NPR1: variants seen among roughly 807,000 people sequenced by gnomAD.
The protein encoded by NPR1 is atrial natriuretic peptide receptor 1.
In NPR1, 57 loss-of-function variants were observed where a neutral mutation model predicts 116.9. The ratio of observed to expected loss-of-function variants is 0.49; its 90% CI spans 0.39 to 0.61. The LOEUF (loss-of-function observed/expected upper bound fraction) is 0.61, where lower values mean the gene tolerates loss of function less well. Among genes scored for constraint, NPR1 ranks in the 20% least tolerant of loss-of-function variants. The probability of loss-of-function intolerance (pLI) is 0.00; values close to 1 mark genes in which losing one functional copy is unlikely to be tolerated. For synonymous variants in NPR1, 555 were observed against 601.6 expected (o/e 0.92, Z 1.13); for missense variants, 1,096 against 1,409.8 (o/e 0.78, Z 3.56).
In NPR1 at chr1:153,687,752, G is replaced by A. The variant is rs1669971941; in HGVS notation, c.2211G>A (p.Gly737=). Reference sequence around the variant, plus strand: ...TTCAGGAGATTGCCCTGAGGAGTGGGGTCTTCCACGTGGAAGGTTTGGACC... The same window carrying A: ...TTCAGGAGATTGCCCTGAGGAGTGGAGTCTTCCACGTGGAAGGTTTGGACC... The part of the protein sequence containing the change: ...IILQEIALRS[G]VFHVEGLDLS... Residue 737 remains glycine (G), a synonymous_variant, in exon 14 of 22, where the codon GGG becomes GGA. Coordinates refer to ENST00000368680, the MANE Select transcript of NPR1 (RefSeq NM_000906.4). 4 of 1,600,608 alleles carry A rather than the reference G, an allele frequency of 2.5e-6. No homozygotes were observed. The highest frequency in any genetic ancestry group is 3.4e-6 in the Non-Finnish European group (4 of 1,169,448).
chr1:153,686,629 G>A lies in NPR1; in HGVS notation c.1759-17G>A. On this transcript the variant is annotated splice_polypyrimidine_tract_variant and intron_variant, in intron 10 of 21. Coordinates refer to ENST00000368680, the MANE Select transcript of NPR1 (RefSeq NM_000906.4). ...GCGAGGTCTCTGTCAAGCTCCTGAT[G>A]CTGGTCCCACTTGCAGATGCGGGAT... 3 of 1,609,520 alleles carry A rather than the reference G, an allele frequency of 1.9e-6. No individual in the cohort carries two copies. The highest frequency in any genetic ancestry group is 2.5e-6 in the Non-Finnish European group (3 of 1,176,884).
At chr1:153,690,414 G>C in intron 20 of NPR1, 32 bp downstream of exon 20, 5 of 1,503,558 alleles carry the variant, frequency 3.3e-6, no homozygotes, top group Non-Finnish European at 4.5e-6. Context: ...GGAATGGGGA[G>C]GGCAGGGTGG....
At chr1:153,683,020 G>C (rs1394860588) in intron 5 of NPR1, among the ~76,000 whole-genome samples, 2 of 152,218 alleles carry the variant, frequency 1.3e-5, no homozygotes, top group Admixed American at 1.3e-4. Flanking sequence ...GCGAATGTAG[G>C]CTAAGGTGAA....
In NPR1 at chr1:153,681,347, A is replaced by T. The variant is rs186542047; in HGVS notation, c.1035+54A>T. 126 of 988,206 alleles carry T rather than the reference A, an allele frequency of 1.3e-4. No homozygotes were observed. The African/African-American group carries it at 1.6e-3, about 13-fold the overall frequency. The allele number at this position is 988,206 out of a possible 1,614,324, so 61.2% of individuals were successfully genotyped here. ...GTGGACCTCCAGCCCCCACTCCATG[A>T]CCCTCTGCCAGCCTCCATCCTTCCC... On this transcript the variant is annotated intron_variant, in intron 3 of 21. Transcript: ENST00000368680.
chr1:153,689,688 G>A lies in NPR1; in HGVS notation c.2758-118G>A. ...AACAGGCAGAGAACCCATGTGGGATGGGGGATGAGCAAAGACAGATGAGGG... is the reference window on the plus strand; with the variant it reads ...AACAGGCAGAGAACCCATGTGGGATAGGGGATGAGCAAAGACAGATGAGGG... On this transcript the variant is annotated intron_variant, in intron 18 of 21. Coordinates refer to ENST00000368680, the MANE Select transcript of NPR1 (RefSeq NM_000906.4). This position sits in a 1 kb window ranked among gnomAD's most constrained non-coding sequence, Gnocchi z 5.1. The A allele has an allele frequency of 1.6e-6, 2 of 1,265,466 alleles. No homozygotes were observed. Among genetic ancestry groups the A allele is most frequent in the South Asian group, 1.4e-5 (1 of 70,378 alleles). 78.4% of individuals were successfully genotyped at this position (1,265,466 alleles called of 1,614,324 possible).
chr1:153,687,938 C>A, intron 14 of NPR1, 115 bp from the exon 15 acceptor site: 2 of 1,080,482 alleles, frequency 1.9e-6, no homozygotes, highest in Non-Finnish European at 2.7e-6. Flanking sequence ...GTGACCAGTC[C>A]CCCGCCCCCA....
In NPR1 at chr1:153,681,816, G is replaced by A. The variant is rs762413784; in HGVS notation, c.1148G>A (p.Arg383Gln). 7.9e-5 allele frequency: 127 copies of A among 1,613,874 alleles called. No individual in the cohort carries two copies. Among genetic ancestry groups the A allele is most frequent in the Middle Eastern group, 1.6e-4 (1 of 6,084 alleles). ...ACTGATGGGGAGAACATCACTCAGCGGATGTGGAACCGAAGCTTTCAAGGT... is the reference window on the plus strand; with the variant it reads ...ACTGATGGGGAGAACATCACTCAGCAGATGTGGAACCGAAGCTTTCAAGGT... Reference protein sequence around the residue: ...TVTDGENITQRMWNRSFQGVT... With the variant: ...TVTDGENITQQMWNRSFQGVT... Residue 383 changes from arginine to glutamine, a missense_variant, in exon 4 of 22, where the codon CGG (arginine) becomes CAG (glutamine). Arg to Gln is a conservative substitution (Grantham distance 43). Transcript: ENST00000368680.
chr1:153,686,633 G>T lies in NPR1; in HGVS notation c.1759-13G>T. ...GGTCTCTGTCAAGCTCCTGATGCTG[G>T]TCCCACTTGCAGATGCGGGATGTGC... is the stretch of plus-strand genomic sequence containing the variant. On this transcript the variant is annotated splice_polypyrimidine_tract_variant and intron_variant, in intron 10 of 21. Transcript: ENST00000368680. The T allele has an allele frequency of 6.2e-7, 1 of 1,610,420 alleles. No individual in the cohort carries two copies. The highest frequency in any genetic ancestry group is 8.5e-7 in the Non-Finnish European group (1 of 1,177,580).
rs541513368 is a variant in NPR1 at position 153,679,252 on chromosome 1, C to T, written c.144C>T (p.Tyr48=). 33 of 1,528,764 alleles carry T rather than the reference C, an allele frequency of 2.2e-5. No individual in the cohort carries two copies. The highest frequency in any genetic ancestry group is 1.8e-4 in the East Asian group (7 of 39,526). The allele number at this position is 1,528,764 out of a possible 1,614,324, so 94.7% of individuals were successfully genotyped here. Residue 48 remains tyrosine, a synonymous_variant, in exon 1 of 22, where the codon TAC becomes TAT. Coordinates refer to ENST00000368680, the MANE Select transcript of NPR1 (RefSeq NM_000906.4). The surrounding 1 kb of genome is among the most constrained non-coding windows in gnomAD (Gnocchi z 4.2). Reference sequence around the variant, plus strand: ...TACTGCCGCTGGCCAATACCTCGTACCCCTGGTCGTGGGCGCGCGTGGGAC... The same window carrying T: ...TACTGCCGCTGGCCAATACCTCGTATCCCTGGTCGTGGGCGCGCGTGGGAC... ...AVVLPLANTS[Y]PWSWARVGPA...
At position 153,690,334 on chromosome 1, in the gene NPR1, T is replaced by C; in HGVS notation, c.2983T>C (p.Phe995Leu). 6.4e-7 allele frequency: 1 copy of C among 1,561,348 alleles called. No homozygotes were observed. Among genetic ancestry groups the C allele is most frequent in the Non-Finnish European group, 8.7e-7 (1 of 1,151,390 alleles). Residue 995 changes from phenylalanine to leucine, a missense_variant, in exon 20 of 22, where the codon TTT becomes CTT. Physicochemically the swap from Phe to Leu is conservative, Grantham distance 22. Coordinates refer to ENST00000368680, the MANE Select transcript of NPR1 (RefSeq NM_000906.4). ...VGLKMPRYCL[F>L]GDTVNTASRM... is the part of the protein sequence containing the mutation. ...ACTGAAGATGCCCCGTTACTGTCTC[T>C]TTGGGGATACAGTCAACACAGCCTC...
Position 153,689,251 on chromosome 1 carries a change from C to T in NPR1, c.2628C>T (p.Thr876=). The T allele has an allele frequency of 1.9e-6, 3 of 1,614,196 alleles. No homozygotes were observed. Among genetic ancestry groups the T allele is most frequent in the Non-Finnish European group, 2.5e-6 (3 of 1,180,040 alleles). ...AGGCCGAAGCCTTTGACAGTGTTAC[C>T]ATCTACTTCAGTGACATTGTGGGTT... ...TVQAEAFDSV[T]IYFSDIVGFT... Residue 876 remains threonine (T), a synonymous_variant, in exon 17 of 22, where the codon ACC becomes ACT. Coordinates refer to ENST00000368680, the MANE Select transcript of NPR1 (RefSeq NM_000906.4). The surrounding 1 kb of genome is among the most constrained non-coding windows in gnomAD (Gnocchi z 5.1).
At chr1:153,687,426 C>T (rs1669962386) in intron 13 of NPR1, 70 bp downstream of exon 13, 1 of 1,563,142 alleles carries the variant, frequency 6.4e-7, no homozygotes. Context: ...TGCAAGGCCT[C>T]TGATGGGCTT....
intron 20 of NPR1, among the ~76,000 whole-genome samples, chr1:153,692,031 C>T (rs1670122815): frequency 6.6e-6 from 1 of 152,166 alleles, no homozygotes. Flanking sequence ...TTGGGCCCCA[C>T]TCCATCACTG....
rs747583131 is a variant in NPR1 at position 153,688,045 on chromosome 1, C to A, written c.2249-8C>A. The A allele has an allele frequency of 6.3e-6, 10 of 1,586,894 alleles. No individual in the cohort carries two copies. Among genetic ancestry groups the A allele is most frequent in the South Asian group, 2.3e-5 (2 of 88,648 alleles). On this transcript the variant is annotated splice_polypyrimidine_tract_variant and splice_region_variant and intron_variant, in intron 14 of 21. Transcript: ENST00000368680. ...CCACCCCTCAGCTCCTCTACCCCCC[C>A]AATACAGAGATCATCGAGCGGGTGA... is the stretch of plus-strand genomic sequence containing the variant.
chr1:153,683,593 C>G, intron 6 of NPR1, 82 bp downstream of exon 6: 2 of 1,584,966 alleles, frequency 1.3e-6, no homozygotes, highest in South Asian at 2.3e-5. Context: ...GTGCTCCTGT[C>G]CCATGCTGAG....
chr1:153,680,309 C>G (rs1275667342), intron 1 of NPR1, among the ~76,000 whole-genome samples, 192 bp from the exon 2 acceptor site: 4 of 149,496 alleles, frequency 2.7e-5, no homozygotes, highest in Non-Finnish European at 4.5e-5. Context: ...CCCACCGCCC[C>G]GCACCCGCCC....
chr1:153,687,398 A>T, intron 13 of NPR1, 42 bp downstream of exon 13: 6 of 1,603,852 alleles, frequency 3.7e-6, no homozygotes, highest in Non-Finnish European at 5.1e-6. Flanking sequence ...CCCCAGCACC[A>T]CCCAGTAGGG....
intron 19 of NPR1, 106 bp downstream of exon 19, chr1:153,690,086 CTCTCTCTCT>C: frequency 1.6e-6 from 1 of 644,540 alleles, no homozygotes; most frequent in Non-Finnish European, 2.4e-6. Context: ...CTCTCTCTCT[CTCTCTCTCT>C]CTCTCTCTCT....
chr1:153,681,898 G>A (rs1669792411), intron 4 of NPR1, 59 bp downstream of exon 4: 1 of 1,591,036 alleles, frequency 6.3e-7, no homozygotes, highest in African/African-American at 1.3e-5. Flanking sequence ...CAGGTGCCCA[G>A]TGTCAAGCCA....
Sources: gnomAD v4.1 joint callset for allele counts (sites outside exome capture counted in the v4.1 genomes callset) on GRCh38, gnomAD v4.1.1 for gene constraint, Gnocchi (gnomAD v3.1) non-coding constraint, MANE v1.5 for transcripts, NCBI Gene and HGNC (gene_info 2026-07-23, HGNC 2026-07-21) for gene names.